Variants in UNC13B observed in about 807,000 individuals in gnomAD.
UNC13B encodes unc-13 homolog B.
A neutral mutation model predicts 211.0 loss-of-function variants in UNC13B; 144 were observed. That is an observed-to-expected ratio of 0.68 (90% CI 0.60 to 0.78). The LOEUF (loss-of-function observed/expected upper bound fraction) is 0.78, where lower values mean the gene tolerates loss of function less well. Ranked by LOEUF, UNC13B falls within the 30% of genes least tolerant of loss-of-function variation. The pLI is 0.00. For missense variants in UNC13B, 1,777 were observed against 2,002.0 expected, an observed-to-expected ratio of 0.89 and a Z score of 2.14; for synonymous variants, 709 against 725.8, an observed-to-expected ratio of 0.98 and a Z score of 0.37.
intron 11 of UNC13B, among the ~76,000 whole-genome samples, chr9:35,334,543 A>G (rs1029956834): frequency 2.0e-5 from 3 of 152,154 alleles, no homozygotes; most frequent in African/African-American, 7.2e-5. Flanking sequence ...AGGTAGAAAA[A>G]CAGTTCAGGG....
At position 35,236,559 on chromosome 9, in the gene UNC13B, G is replaced by A. The variant is rs138015822; in HGVS notation, c.243G>A (p.Ala81=). The A allele has an allele frequency of 1.4e-3, 2,195 of 1,613,982 alleles. 52 individuals carry two copies. In the South Asian group the frequency reaches 0.022, roughly 16 times the overall value. ...CCATGGTGGGGACTGTGTGGATTGC[G>A]CTGAAGACTATTCGTCAGTCGGATG... The part of the protein sequence containing the change: ...WDTMVGTVWI[A]LKTIRQSDEE... Residue 81 remains alanine (A), a synonymous_variant, in exon 4 of 40, where the codon GCG becomes GCA. Coordinates refer to ENST00000635942, the MANE Select transcript of UNC13B (RefSeq NM_001371189.2).
chr9:35,165,644 C>T (rs1218017079), intron 1 of UNC13B, among the ~76,000 whole-genome samples: 2 of 151,956 alleles, frequency 1.3e-5, no homozygotes, highest in African/African-American at 4.8e-5. Context: ...GTCTCAAACT[C>T]CTGACCTCGT....
intron 1 of UNC13B, among the ~76,000 whole-genome samples, chr9:35,178,595 TG>T (rs2131289765): frequency 6.6e-6 from 1 of 151,260 alleles, no homozygotes; most frequent in Non-Finnish European, 1.5e-5. Context: ...AATTTCAGAG[TG>T]GTTACATATG....
At chr9:35,388,664 G>T (rs1403999263) in intron 24 of UNC13B, among the ~76,000 whole-genome samples, 1 of 152,216 alleles carries the variant, frequency 6.6e-6, no homozygotes, top group African/African-American at 2.4e-5. Context: ...AGCAGAGTGT[G>T]CGGCACATAA....
intron 11 of UNC13B, among the ~76,000 whole-genome samples, chr9:35,341,154 G>A (rs1020133468): frequency 2.0e-5 from 3 of 152,136 alleles, no homozygotes; most frequent in South Asian, 2.1e-4. Flanking sequence ...AGGTTACTTC[G>A]TTCCTAATTC....
intron 26 of UNC13B, among the ~76,000 whole-genome samples, 176 bp from the exon 27 acceptor site, chr9:35,396,300 G>C (rs1341175534): frequency 6.6e-6 from 1 of 152,208 alleles, no homozygotes; most frequent in Non-Finnish European, 1.5e-5. Context: ...CAAGCTTGTG[G>C]AGAGTTGCTG....
intron 1 of UNC13B, among the ~76,000 whole-genome samples, chr9:35,197,760 C>T (rs1823026514): frequency 6.6e-6 from 1 of 152,090 alleles, no homozygotes; most frequent in Non-Finnish European, 1.5e-5. Context: ...ACCTCTCCCA[C>T]CTTCTCTCCC....
Position 35,310,466 on chromosome 9 carries a change from GC to G in UNC13B, c.9012del (p.Thr3005ProfsTer12). On this transcript the variant is annotated frameshift_variant and splice_region_variant, in exon 10 of 40. Transcript: ENST00000635942. LOFTEE classifies it high-confidence loss of function. ...NDIKEPMTNK[S>X]PTSSSRYGSS... is the part of the protein sequence containing the mutation. Reference sequence around the variant, plus strand: ...TATCTGTCTTTCTGTCATTCTCACAGCCCCACCAGCAGCAGTAGGTATGGCT... The same window carrying G: ...TATCTGTCTTTCTGTCATTCTCACAGCCCACCAGCAGCAGTAGGTATGGCT... 1 of 1,612,110 alleles carries G rather than the reference GC, an allele frequency of 6.2e-7. No individual in the cohort carries two copies. The highest frequency in any genetic ancestry group is 8.5e-7 in the Non-Finnish European group (1 of 1,178,462).
At chr9:35,298,386 A>C (rs1253986920) in intron 8 of UNC13B, among the ~76,000 whole-genome samples, 1 of 152,190 alleles carries the variant, frequency 6.6e-6, no homozygotes, top group Admixed American at 6.5e-5. Flanking sequence ...GCACCACTGC[A>C]CTCCAGCCTG....
At chr9:35,320,033 G>A (rs1310629845) in intron 11 of UNC13B, among the ~76,000 whole-genome samples, 1 of 152,058 alleles carries the variant, frequency 6.6e-6, no homozygotes, top group Non-Finnish European at 1.5e-5. Context: ...TAAAATTATG[G>A]CCTCCAACTG....
chr9:35,297,048 A>G (rs1829394580), intron 8 of UNC13B, among the ~76,000 whole-genome samples: 1 of 150,256 alleles, frequency 6.7e-6, no homozygotes, highest in Non-Finnish European at 1.5e-5. Context: ...CCTTTAATTT[A>G]GCAAAAATTT....
At chr9:35,360,278 G>A (rs1267374104) in intron 11 of UNC13B, among the ~76,000 whole-genome samples, 1 of 152,126 alleles carries the variant, frequency 6.6e-6, no homozygotes, top group Non-Finnish European at 1.5e-5. Context: ...ATAGTATATT[G>A]TTATTTCTTA....
intron 1 of UNC13B, among the ~76,000 whole-genome samples, chr9:35,172,080 C>A (rs1738083327): frequency 6.6e-6 from 1 of 150,974 alleles, no homozygotes; most frequent in Non-Finnish European, 1.5e-5. Flanking sequence ...GCTGTCCAGG[C>A]AGGTCTCAGG....
chr9:35,250,326 A>C (rs1826386315), intron 6 of UNC13B, among the ~76,000 whole-genome samples: 1 of 152,076 alleles, frequency 6.6e-6, no homozygotes, highest in Non-Finnish European at 1.5e-5. Context: ...ATCAGTCTCC[A>C]TTCTTCCCTA....
chr9:35,395,662 A>G (rs950514929), intron 26 of UNC13B, among the ~76,000 whole-genome samples: 2 of 152,226 alleles, frequency 1.3e-5, no homozygotes, highest in African/African-American at 4.8e-5. Context: ...TGAAGCGGGT[A>G]GATGAAGAGA....
At chr9:35,355,274 G>A (rs1170120583) in intron 11 of UNC13B, among the ~76,000 whole-genome samples, 1 of 152,204 alleles carries the variant, frequency 6.6e-6, no homozygotes, top group Non-Finnish European at 1.5e-5. Context: ...CGGATACATT[G>A]TTGCCCATGG....
intron 11 of UNC13B, among the ~76,000 whole-genome samples, chr9:35,342,655 CA>C (rs145267234): frequency 0.029 from 4,472 of 152,268 alleles, 223 homozygotes; most frequent in African/African-American, 0.1. Flanking sequence ...TCTCCTTTTT[CA>C]TGTGTCCATA....
intron 9 of UNC13B, among the ~76,000 whole-genome samples, chr9:35,309,894 A>T (rs1438784199): frequency 6.6e-6 from 1 of 152,194 alleles, no homozygotes; most frequent in African/African-American, 2.4e-5. Context: ...CTATCTTCCA[A>T]TGGGTTCTAT....
At chr9:35,196,581 G>T (rs4111904) in intron 1 of UNC13B, among the ~76,000 whole-genome samples, 149,671 of 152,278 alleles carry the variant, frequency 0.98, 73,602 homozygotes, top group East Asian at 1. Context: ...TCTTTATCCC[G>T]GACTTCCAGG....
Sources: allele counts gnomAD v4.1 joint callset (sites outside exome capture counted in the v4.1 genomes callset), GRCh38; gene constraint gnomAD v4.1.1; transcripts MANE v1.5; gene names NCBI Gene and HGNC (gene_info 2026-07-23, HGNC 2026-07-21).